Variants in SYNE2 observed in about 807,000 individuals in gnomAD.
SYNE2 encodes spectrin repeat containing nuclear envelope protein 2.
SYNE2 carries 431 observed loss-of-function variants against 856.3 expected under a neutral mutation model. The ratio of observed to expected loss-of-function variants is 0.50; its 90% confidence interval spans 0.47 to 0.55. The LOEUF (loss-of-function observed/expected upper bound fraction) is 0.55, where lower values mean the gene tolerates loss of function less well. Ranked by LOEUF, SYNE2 falls within the 20% of genes least tolerant of loss-of-function variation. The pLI, the probability that SYNE2 is intolerant of heterozygous loss-of-function variation, is 0.00. For missense variants in SYNE2, 8,129 were observed against 8,023.2 expected, an observed-to-expected ratio of 1.01 and a Z score of -0.50; for synonymous variants, 2,923 against 2,872.3, an observed-to-expected ratio of 1.02 and a Z score of -0.56.
At chr14:63,774,083 C>T (rs536334620) in intron 1 of SYNE2, among the ~76,000 whole-genome samples, 284 of 152,256 alleles carry the variant, frequency 1.9e-3, no homozygotes, top group Non-Finnish European at 2.8e-3. Flanking sequence ...GCCTGTAATC[C>T]TGGCACTTTG....
At chr14:63,951,311 C>CT (rs1250376419) in intron 7 of SYNE2, among the ~76,000 whole-genome samples, 14 of 151,616 alleles carry the variant, frequency 9.2e-5, no homozygotes, top group East Asian at 2.0e-4. Flanking sequence ...CTTTTCTTTT[C>CT]TTTTTTTTGA....
At chr14:63,880,607 G>A (rs1413845143) in intron 1 of SYNE2, among the ~76,000 whole-genome samples, 1 of 149,752 alleles carries the variant, frequency 6.7e-6, no homozygotes, top group Non-Finnish European at 1.5e-5. Context: ...CATTCCTATT[G>A]AATATCAACA....
intron 19 of SYNE2, among the ~76,000 whole-genome samples, chr14:63,987,923 G>C (rs1253165754): frequency 1.3e-5 from 2 of 151,690 alleles, no homozygotes; most frequent in African/African-American, 4.9e-5. Flanking sequence ...TGGATAATGA[G>C]ATAATGTAAT....
chr14:63,922,388 A>T (rs1252581438), intron 2 of SYNE2, among the ~76,000 whole-genome samples: 1 of 152,176 alleles, frequency 6.6e-6, no homozygotes, highest in Non-Finnish European at 1.5e-5. Context: ...TTACCTGACT[A>T]CTTTATTGGT....
chr14:64,015,983 C>T (rs1243455028), intron 32 of SYNE2, among the ~76,000 whole-genome samples: 3 of 152,002 alleles, frequency 2.0e-5, no homozygotes, highest in Non-Finnish European at 2.9e-5. Context: ...TGGAGATTTT[C>T]GTTTTGATAA....
chr14:64,136,338 A>G (rs1442233037), intron 78 of SYNE2, among the ~76,000 whole-genome samples: 1 of 150,154 alleles, frequency 6.7e-6, no homozygotes, highest in Non-Finnish European at 1.5e-5. Context: ...AAGACTTTTC[A>G]GAGATGTTTT....
intron 68 of SYNE2, among the ~76,000 whole-genome samples, chr14:64,121,710 T>A (rs992117633): frequency 6.6e-6 from 1 of 152,252 alleles, no homozygotes; most frequent in East Asian, 1.9e-4. Context: ...TTACATCTTA[T>A]ATCAGCTGTC....
At chr14:64,188,910 T>G (rs1316441553) in intron 98 of SYNE2, 1 of 710,730 alleles carries the variant, frequency 1.4e-6, no homozygotes, top group East Asian at 2.7e-5. Flanking sequence ...GTGAGACCAT[T>G]GTCAGTGGGC....
intron 9 of SYNE2, 109 bp downstream of exon 9, chr14:63,961,734 A>G (rs369952493): frequency 2.6e-6 from 2 of 775,232 alleles, no homozygotes; most frequent in Non-Finnish European, 4.5e-6. Flanking sequence ...GTACAGTTTA[A>G]TGAGCATACA....
chr14:63,851,917 T>C (rs1431477865), upstream of SYNE2, among the ~76,000 whole-genome samples: 1 of 137,556 alleles, frequency 7.3e-6, no homozygotes, highest in Non-Finnish European at 1.5e-5. Flanking sequence ...ACCCCGACTC[T>C]AAAAAAATGC....
rs1382874711 is a variant in SYNE2 at position 64,002,042 on chromosome 14, T to C, written c.3747T>C (p.Phe1249=). 6.2e-7 allele frequency: 1 copy of C among 1,613,584 alleles called. No individual in the cohort carries two copies. Among genetic ancestry groups the C allele is most frequent in the Non-Finnish European group, 8.5e-7 (1 of 1,179,480 alleles). Reference sequence around the variant, plus strand: ...TCCATAAAATGGCCATCCAGGGATTTCATCTCATTGATGCTGATCGCATCT... The same window carrying C: ...TCCATAAAATGGCCATCCAGGGATTCCATCTCATTGATGCTGATCGCATCT... ...LPLHKMAIQG[F]HLIDADRIYQ... The change falls in exon 29 of 116, where the codon TTT becomes TTC. Residue 1249 remains phenylalanine, a synonymous_variant. Coordinates refer to ENST00000555002, the MANE Select transcript of SYNE2 (RefSeq NM_182914.3).
intron 57 of SYNE2, chr14:64,084,875 G>C: frequency 1.4e-6 from 1 of 691,818 alleles, no homozygotes. Flanking sequence ...TCATCTGAAG[G>C]CTCGACTTGT....
intron 1 of SYNE2, among the ~76,000 whole-genome samples, chr14:63,767,197 C>T (rs889239143): frequency 2.6e-5 from 4 of 151,236 alleles, no homozygotes; most frequent in African/African-American, 9.7e-5. Context: ...ATCTCCACCT[C>T]CCAGTTCAAG....
chr14:63,834,787 C>T (rs1418287047), intron 1 of SYNE2, among the ~76,000 whole-genome samples: 1 of 151,732 alleles, frequency 6.6e-6, no homozygotes, highest in African/African-American at 2.4e-5. Context: ...ACTACAGGCA[C>T]ACGTCATCAC....
intron 64 of SYNE2, among the ~76,000 whole-genome samples, chr14:64,103,353 CT>C (rs61101192): frequency 0.13 from 18,633 of 138,854 alleles, 2,271 homozygotes; most frequent in African/African-American, 0.35. Flanking sequence ...TCTCCATAAT[CT>C]TTTTTTTTTT....
chr14:63,777,533 A>G (rs765580903), intron 1 of SYNE2, among the ~76,000 whole-genome samples: 93 of 152,152 alleles, frequency 6.1e-4, no homozygotes, highest in Non-Finnish European at 1.5e-4. Flanking sequence ...AAACAAAAAC[A>G]AATTGGTGTA....
chr14:64,043,779 C>T lies in SYNE2; in HGVS notation c.7222-4221C>T, dbSNP rs186538354. Reference sequence around the variant, plus strand: ...TGGATGCCAAGACAGAAGTTTGCTACGGGGGCGGGGCCCTCACAGAGAACC... The same window carrying T: ...TGGATGCCAAGACAGAAGTTTGCTATGGGGGCGGGGCCCTCACAGAGAACC... On this transcript the variant is annotated intron_variant, in intron 45 of 115. Coordinates refer to ENST00000555002, the MANE Select transcript of SYNE2 (RefSeq NM_182914.3). Among the ~76,000 whole-genome samples, 216 of 152,306 alleles carry T rather than the reference C, an allele frequency of 1.4e-3. 2 individuals carry two copies. Among genetic ancestry groups the T allele is most frequent in the African/African-American group, 4.6e-3 (191 of 41,568 alleles).
At chr14:64,162,480 C>A in intron 88 of SYNE2, 1 of 636,432 alleles carries the variant, frequency 1.6e-6, no homozygotes, top group Non-Finnish European at 2.8e-6. Context: ...ATAGCTGGAT[C>A]AGGGGGACTC....
At chr14:64,008,679 G>A (rs1219683652) in intron 31 of SYNE2, among the ~76,000 whole-genome samples, 1 of 152,124 alleles carries the variant, frequency 6.6e-6, no homozygotes, top group Non-Finnish European at 1.5e-5. Flanking sequence ...GTGGGGAGTG[G>A]TGGAATGGGT....
Sources: allele counts gnomAD v4.1 joint callset (sites outside exome capture counted in the v4.1 genomes callset), GRCh38; gene constraint gnomAD v4.1.1; transcripts MANE v1.5; gene names NCBI Gene and HGNC (gene_info 2026-07-23, HGNC 2026-07-21).